The following DMD variants were observed in gnomAD, a reference collection of about 807,000 sequenced individuals.
DMD encodes the protein dystrophin, also known as mutant dystrophin.
Under a neutral mutation model 330.1 loss-of-function variants are expected in DMD, and 63 were observed. The ratio of observed to expected loss-of-function variants is 0.19; its 90% CI spans 0.16 to 0.24. The LOEUF (loss-of-function observed/expected upper bound fraction) is 0.24, where lower values mean the gene tolerates loss of function less well. Among genes scored for constraint, DMD ranks in the 10% least tolerant of loss-of-function variants. DMD has a pLI of 1.00. For synonymous variants in DMD, 1,223 were observed against 959.8 expected, an observed-to-expected ratio of 1.27 and a Z score of -5.07; for missense variants, 3,344 against 2,684.1, an observed-to-expected ratio of 1.25 and a Z score of -5.43.
chrX:32,049,480 C>T (rs1306183420), intron 44 of DMD, among the ~76,000 whole-genome samples: 9 of 111,257 alleles, frequency 8.1e-5, no homozygotes. Context: ...CAAAAAGGCT[C>T]TCTGGACCCC....
At chrX:31,371,547 T>C (rs956262397) in intron 60 of DMD, among the ~76,000 whole-genome samples, 1 of 110,946 alleles carries the variant, frequency 9.0e-6, no homozygotes, top group Non-Finnish European at 1.9e-5. Context: ...AAATGAGTAG[T>C]GTCCGGTGAA....
chrX:32,455,258 G>T (rs371938449), intron 25 of DMD, among the ~76,000 whole-genome samples: 2 of 111,089 alleles, frequency 1.8e-5, no homozygotes, highest in East Asian at 5.6e-4. Context: ...TGTATCTACA[G>T]AAACTCTCAT....
chrX:32,951,276 A>T (rs1237975051), intron 2 of DMD, among the ~76,000 whole-genome samples: 1 of 111,713 alleles, frequency 9.0e-6, no homozygotes. Context: ...AATCTTGTGG[A>T]GGCGATTCAG....
At chrX:31,173,742 T>G in intron 71 of DMD, 138 bp from the exon 72 acceptor site, 1 of 439,531 alleles carries the variant, frequency 2.3e-6, no homozygotes. Context: ...TAGTTGCTCC[T>G]ATATCTTAAA....
chrX:32,361,224 C>T (rs187942645), intron 37 of DMD, among the ~76,000 whole-genome samples: 1 of 111,416 alleles, frequency 9.0e-6, no homozygotes, highest in East Asian at 2.8e-4. Flanking sequence ...CTTGTTATTA[C>T]ATAAGCCATT....
chrX:33,146,033 C>T (rs1201205327), intron 1 of DMD, among the ~76,000 whole-genome samples: 2 of 110,117 alleles, frequency 1.8e-5, no homozygotes, highest in Non-Finnish European at 3.8e-5. Context: ...ACTACAGGTG[C>T]GCACTACCAC....
chrX:33,207,504 T>A (rs1025433293), intron 1 of DMD, among the ~76,000 whole-genome samples: 16 of 111,350 alleles, frequency 1.4e-4, no homozygotes, highest in Admixed American at 8.6e-4. Context: ...GTTATCAGAA[T>A]CTCTGGAAGA....
intron 16 of DMD, among the ~76,000 whole-genome samples, chrX:32,560,773 T>A (rs2050907309): frequency 8.9e-6 from 1 of 112,101 alleles, no homozygotes; most frequent in African/African-American, 3.2e-5. Context: ...ATACTCTCAT[T>A]CCTTTTTATG....
chrX:32,616,759 T>A (rs777142879), intron 11 of DMD, among the ~76,000 whole-genome samples: 1 of 100,795 alleles, frequency 9.9e-6, no homozygotes, highest in Non-Finnish European at 2.0e-5. Context: ...TTGCTAGGTA[T>A]GCTCCTTGCT....
intron 2 of DMD, among the ~76,000 whole-genome samples, chrX:32,891,060 CATT>C (rs1332748418): frequency 8.9e-6 from 1 of 112,175 alleles, no homozygotes; most frequent in Non-Finnish European, 1.9e-5. Context: ...CTAAATAAAA[CATT>C]AATGTCACCT....
intron 52 of DMD, among the ~76,000 whole-genome samples, chrX:31,684,784 G>C (rs967187683): frequency 8.9e-6 from 1 of 112,126 alleles, no homozygotes; most frequent in Admixed American, 9.5e-5. Flanking sequence ...ATCTGGTCAT[G>C]CTATTTAATT....
intron 27 of DMD, among the ~76,000 whole-genome samples, chrX:32,445,645 G>A (rs2098300455): frequency 9.0e-6 from 1 of 110,750 alleles, no homozygotes; most frequent in Non-Finnish European, 1.9e-5. Flanking sequence ...GGTGAAATTT[G>A]ACAGAGTTGG....
chrX:33,063,893 G>A (rs1415488855), intron 1 of DMD, among the ~76,000 whole-genome samples: 2 of 111,461 alleles, frequency 1.8e-5, no homozygotes, highest in Non-Finnish European at 3.8e-5. Context: ...TCCACTTCAC[G>A]CACTAGCACT....
intron 2 of DMD, among the ~76,000 whole-genome samples, chrX:33,003,615 CG>C (rs112944543): frequency 0.17 from 18,302 of 110,588 alleles, 2,046 homozygotes; most frequent in African/African-American, 0.4. Flanking sequence ...TCTTTTTGTC[CG>C]TTTTTTTAAT....
At chrX:31,798,352 T>C (rs1410382775) in intron 50 of DMD, among the ~76,000 whole-genome samples, 1 of 110,570 alleles carries the variant, frequency 9.0e-6, no homozygotes, top group Admixed American at 9.7e-5. Context: ...ACTCAAGCAC[T>C]GACATCAAAA....
At chrX:32,600,472 C>G (rs1293227932) in intron 12 of DMD, among the ~76,000 whole-genome samples, 1 of 106,229 alleles carries the variant, frequency 9.4e-6, no homozygotes, top group Non-Finnish European at 1.9e-5. Flanking sequence ...ATGGAAAGAA[C>G]AGGAAAAGAA....
chrX:32,449,499 C>G (rs1378611084), intron 26 of DMD, among the ~76,000 whole-genome samples: 1 of 109,863 alleles, frequency 9.1e-6, no homozygotes, highest in Non-Finnish European at 1.9e-5. Flanking sequence ...ATATAGCTAT[C>G]CCTACACACT....
chrX:31,869,161 A>G (rs1048452141), intron 48 of DMD, among the ~76,000 whole-genome samples: 1 of 111,561 alleles, frequency 9.0e-6, no homozygotes, highest in South Asian at 3.7e-4. Context: ...TCAGCTTGTG[A>G]TTCTTCATGA....
At chrX:32,783,049 C>A (rs757368021) in intron 7 of DMD, among the ~76,000 whole-genome samples, 44 of 97,621 alleles carry the variant, frequency 4.5e-4, no homozygotes, top group Non-Finnish European at 8.0e-4. Flanking sequence ...TATATACACA[C>A]ACATATACAT....
Sources: gnomAD v4.1 joint callset for allele counts (sites outside exome capture counted in the v4.1 genomes callset) on GRCh38, gnomAD v4.1.1 for gene constraint, MANE v1.5 for transcripts, NCBI Gene and HGNC (gene_info 2026-07-23, HGNC 2026-07-21) for gene names.